The following MIA3 variants were observed in gnomAD, a reference collection of about 807,000 sequenced individuals.
The protein encoded by MIA3 is transport and Golgi organization protein 1 homolog.
MIA3 carries 90 observed loss-of-function variants against 192.4 expected under a neutral mutation model. The observed-to-expected ratio is 0.47, with a 90% CI of 0.39 to 0.56. MIA3 has a LOEUF of 0.56. Among genes scored for constraint, MIA3 ranks in the 20% least tolerant of loss-of-function variants. MIA3 has a pLI of 0.00. For missense variants in MIA3, 2,123 were observed against 2,269.4 expected (o/e 0.94, Z 1.31); for synonymous variants, 740 against 792.8 (o/e 0.93, Z 1.12).
intron 7 of MIA3, among the ~76,000 whole-genome samples, chr1:222,647,089 A>G (rs1663183804): frequency 6.6e-6 from 1 of 152,172 alleles, no homozygotes; most frequent in Admixed American, 6.5e-5. Flanking sequence ...AAAAATGTGT[A>G]TTTTCCAGAT....
Position 222,629,505 on chromosome 1 carries a change from A to G in MIA3, c.2285A>G (p.Asp762Gly). The G allele has an allele frequency of 2.5e-6, 4 of 1,614,106 alleles. No homozygotes were observed. The highest frequency in any genetic ancestry group is 3.4e-6 in the Non-Finnish European group (4 of 1,180,030). The change falls in exon 4 of 28, where the codon GAC (aspartate) becomes GGC (glycine). Residue 762 changes from aspartate (D) to glycine (G), a missense_variant. Asp to Gly is a moderately conservative substitution (Grantham distance 94). Transcript: ENST00000344922. ...RQFDVNLQVP[D>G]RAVLGTIHPD... ...TTTGATGTTAATCTGCAAGTCCCTG[A>G]CAGAGCAGTTTTAGGGACCATTCAT...
rs79405579 is a variant in MIA3 at position 222,618,598 on chromosome 1, C to G, written c.133+355C>G. 3.2e-3 allele frequency among the ~76,000 whole-genome samples: 480 copies of G among 152,284 alleles called. 16 individuals carry two copies. The East Asian group carries it at 0.068, about 21-fold the overall frequency. The stretch of plus-strand genomic sequence containing the variant: ...TCACAGCGTCCCCTTCCCACCCCCC[C>G]AATCCGCCTGGGCTCGGAGGGTAGA... On this transcript the variant is annotated intron_variant, in intron 1 of 27. Transcript: ENST00000344922.
chr1:222,647,666 C>T (rs1318029868), intron 7 of MIA3, among the ~76,000 whole-genome samples: 5 of 152,106 alleles, frequency 3.3e-5, no homozygotes, highest in African/African-American at 7.2e-5. Context: ...AAAATTCTAA[C>T]GCCTTTTTCG....
At chr1:222,622,620 A>G (rs1277292538) in intron 2 of MIA3, among the ~76,000 whole-genome samples, 1 of 152,194 alleles carries the variant, frequency 6.6e-6, no homozygotes, top group South Asian at 2.1e-4. Flanking sequence ...CTCCATACCA[A>G]AACAAATCTA....
At chr1:222,644,720 T>C (rs1663050845) in intron 6 of MIA3, 2 of 1,003,752 alleles carry the variant, frequency 2.0e-6, no homozygotes, top group Non-Finnish European at 3.0e-6. Flanking sequence ...GCAAGACGTT[T>C]CTATGCTGTT....
rs1284772123 is a variant in MIA3 at position 222,630,163 on chromosome 1, T to C, written c.2943T>C (p.Ala981=). The change falls in exon 4 of 28, where the codon GCT becomes GCC. Residue 981 remains alanine (A), a synonymous_variant. Transcript: ENST00000344922. ...MEKVLDKVFR[A]SESQILSIAE... ...AAGTCCTAGATAAGGTCTTCCGTGC[T>C]TCTGAGTCACAAATTCTGAGCATAG... 8 of 1,614,120 alleles carry C rather than the reference T, an allele frequency of 5.0e-6. No homozygotes were observed. Among genetic ancestry groups the C allele is most frequent in the African/African-American group, 1.3e-5 (1 of 74,930 alleles).
At chr1:222,644,773 C>CTTTT (rs551970012) in intron 6 of MIA3, among the ~76,000 whole-genome samples, 1 of 144,002 alleles carries the variant, frequency 6.9e-6, no homozygotes. Flanking sequence ...TTTCGTCACT[C>CTTTT]TTTTTTTTTT....
At chr1:222,654,836 GTAAA>G in intron 18 of MIA3, 43 bp downstream of exon 18, 1 of 1,516,096 alleles carries the variant, frequency 6.6e-7, no homozygotes, top group Non-Finnish European at 9.1e-7. Flanking sequence ...TGTCATGTCA[GTAAA>G]TAAATGTGTA....
At position 222,643,099 on chromosome 1, in the gene MIA3, T is replaced by C. The variant is rs543585624; in HGVS notation, c.3478-2455T>C. ...TTCCTTTGTTGCTTTTGGATTTTGA[T>C]ACATAATTAGGAAGGTCTTGCCCAC... On this transcript the variant is annotated intron_variant, in intron 6 of 27. Coordinates refer to ENST00000344922, the MANE Select transcript of MIA3 (RefSeq NM_198551.4). Among the ~76,000 whole-genome samples, 28 of 152,328 alleles carry C rather than the reference T, an allele frequency of 1.8e-4. No individual in the cohort carries two copies. In the South Asian group the frequency reaches 5.6e-3, roughly 30 times the overall value.
At position 222,654,815 on chromosome 1, in the gene MIA3, G is replaced by A. The variant is rs749964194; in HGVS notation, c.4607+22G>A. 11 of 1,602,182 alleles carry A rather than the reference G, an allele frequency of 6.9e-6. No homozygotes were observed. The South Asian group carries it at 9.9e-5, about 14-fold the overall frequency. On this transcript the variant is annotated intron_variant, in intron 18 of 27. Transcript: ENST00000344922. Reference sequence around the variant, plus strand: ...AAAAGTAAGATTATCATCATTTACTGTTAACTGTATTGTCATGTCAGTAAA... The same window carrying A: ...AAAAGTAAGATTATCATCATTTACTATTAACTGTATTGTCATGTCAGTAAA...
chr1:222,621,813 G>GTTTTTT (rs35055360), intron 2 of MIA3, among the ~76,000 whole-genome samples: 1 of 140,116 alleles, frequency 7.1e-6, no homozygotes, highest in Non-Finnish European at 1.5e-5. Flanking sequence ...TTGTTTGTTT[G>GTTTTTT]TTTTTTTTTT....
intron 8 of MIA3, 34 bp downstream of exon 8, chr1:222,648,884 G>A: frequency 7.4e-7 from 1 of 1,353,442 alleles, no homozygotes; most frequent in Non-Finnish European, 1.0e-6. Flanking sequence ...ATTTGTACTA[G>A]TCCCTCTGTA....
chr1:222,654,342 T>C, intron 16 of MIA3, 44 bp downstream of exon 16: 12 of 1,612,200 alleles, frequency 7.4e-6, no homozygotes, highest in Non-Finnish European at 1.0e-5. Context: ...TGAATACTTT[T>C]ACTATGCCTC....
At chr1:222,640,044 A>G (rs1368815233) in intron 6 of MIA3, among the ~76,000 whole-genome samples, 11 of 152,202 alleles carry the variant, frequency 7.2e-5, no homozygotes, top group African/African-American at 4.8e-5. Flanking sequence ...GTATTTATAT[A>G]TCGTAGCAAT....
At chr1:222,664,212 T>G in intron 27 of MIA3, 64 bp downstream of exon 27, 1 of 1,556,512 alleles carries the variant, frequency 6.4e-7, no homozygotes. Flanking sequence ...ATCTATCCCT[T>G]GCTAAAACAA....
intron 18 of MIA3, among the ~76,000 whole-genome samples, chr1:222,656,698 G>A (rs1663750338): frequency 6.6e-6 from 1 of 151,828 alleles, no homozygotes; most frequent in African/African-American, 2.4e-5. Flanking sequence ...CACTTGTCCT[G>A]AGAATCCAAT....
chr1:222,618,183 G>C lies in MIA3; in HGVS notation c.73G>C (p.Asp25His). The C allele has an allele frequency of 2.7e-6, 4 of 1,503,090 alleles. No homozygotes were observed. The highest frequency in any genetic ancestry group is 3.6e-6 in the Non-Finnish European group (4 of 1,124,696). The allele number at this position is 1,503,090 out of a possible 1,614,324, so 93.1% of individuals were successfully genotyped here. ...RLPWRVPGQL[D>H]PSTGRRFSEH... ...GCCCTGGCGGGTGCCGGGCCAGCTG[G>C]ACCCCAGCACTGGCCGGCGGTTCTC... The change falls in exon 1 of 28, where the codon GAC becomes CAC. Residue 25 changes from aspartate (D) to histidine (H), a missense_variant. By Grantham distance (81) the Asp-to-His change is moderately conservative. This residue lies in a region of MIA3 where 1,357 missense variants were observed against 1,396.1 expected (regional missense o/e 0.97). Transcript: ENST00000344922.
At chr1:222,644,245 C>A (rs1663010772) in intron 6 of MIA3, 1 of 1,338,562 alleles carries the variant, frequency 7.5e-7, no homozygotes, top group African/African-American at 1.5e-5. Context: ...CGCTCTGGCC[C>A]CGCCCTCGCC....
chr1:222,650,811 G>C lies in MIA3; in HGVS notation c.3817G>C (p.Glu1273Gln). 1 of 1,607,920 alleles carries C rather than the reference G, an allele frequency of 6.2e-7. No homozygotes were observed. Among genetic ancestry groups the C allele is most frequent in the Non-Finnish European group, 8.5e-7 (1 of 1,176,898 alleles). The part of the protein sequence containing the change: ...IKYKDKIKTL[E>Q]KNQEILDDTA... ...TTTGTAGGATAAAATCAAGACACTT[G>C]AAAAAAATCAGGAAATTCTGGATGA... The change falls in exon 11 of 28, where the codon GAA becomes CAA. Residue 1273 changes from glutamate to glutamine, a missense_variant. By Grantham distance (29) the Glu-to-Gln change is conservative. Coordinates refer to ENST00000344922, the MANE Select transcript of MIA3 (RefSeq NM_198551.4).
Sources: gnomAD v4.1 joint callset for allele counts (sites outside exome capture counted in the v4.1 genomes callset) on GRCh38, gnomAD v4.1.1 for gene constraint, gnomAD v4.1.1 regional missense constraint, MANE v1.5 for transcripts, NCBI Gene and HGNC (gene_info 2026-07-23, HGNC 2026-07-21) for gene names.